ZNF350: variants seen among roughly 807,000 people sequenced by gnomAD.
ZNF350 encodes the protein zinc finger protein 350, also known as KRAB zinc finger protein ZFQR.
A neutral mutation model predicts 13.1 loss-of-function variants in ZNF350; 5 were observed. That is an observed-to-expected ratio of 0.38 (90% CI 0.20 to 0.80). The LOEUF (loss-of-function observed/expected upper bound fraction) is 0.80, where lower values mean the gene tolerates loss of function less well. Ranked by LOEUF, ZNF350 falls within the 30% of genes least tolerant of loss-of-function variation. The pLI is 0.43. For missense variants in ZNF350, 534 were observed against 644.2 expected (o/e 0.83, Z 1.85); for synonymous variants, 199 against 224.2 (o/e 0.89, Z 1.00).
Position 51,964,847 on chromosome 19 carries a change from T to C in ZNF350, c.*7A>G, listed in dbSNP as rs1197753921. The C allele has an allele frequency of 6.3e-7, 1 of 1,599,306 alleles. No individual in the cohort carries two copies. Among genetic ancestry groups the C allele is most frequent in the Non-Finnish European group, 8.5e-7 (1 of 1,170,450 alleles). On this transcript the variant is annotated 3_prime_UTR_variant, in exon 5 of 5. Coordinates refer to ENST00000243644, the MANE Select transcript of ZNF350 (RefSeq NM_021632.4). ...AACCCTTTTCCACATAGATCTGAGTTTTCTTCCTATGGGTTTTCTGTAACA... is the reference window on the plus strand; with the variant it reads ...AACCCTTTTCCACATAGATCTGAGTCTTCTTCCTATGGGTTTTCTGTAACA...
At position 51,967,973 on chromosome 19, in the gene ZNF350, C is replaced by T. The variant is rs569944488; in HGVS notation, c.238+605G>A. Among the ~76,000 whole-genome samples, 231 of 152,260 alleles carry T rather than the reference C, an allele frequency of 1.5e-3. 2 individuals carry two copies. The highest frequency in any genetic ancestry group is 5.3e-3 in the African/African-American group (222 of 41,548). On this transcript the variant is annotated intron_variant, in intron 4 of 4. Transcript: ENST00000243644. ...AGGGAGATGTCAGTTTGGGACTCTCCTCCAGGGAGCGGAAGGAGTTTAAAC... is the reference window on the plus strand; with the variant it reads ...AGGGAGATGTCAGTTTGGGACTCTCTTCCAGGGAGCGGAAGGAGTTTAAAC...
intron 1 of ZNF350, among the ~76,000 whole-genome samples, chr19:51,975,632 G>C (rs1473761112): frequency 6.6e-6 from 1 of 152,134 alleles, no homozygotes; most frequent in African/African-American, 2.4e-5. Flanking sequence ...AGTATTTTAT[G>C]CTAAGTAAAA....
chr19:51,974,153 G>C, intron 2 of ZNF350, 193 bp downstream of exon 2: 1 of 523,396 alleles, frequency 1.9e-6, no homozygotes, highest in Non-Finnish European at 3.3e-6. Flanking sequence ...ATAATTTAGT[G>C]TTAATGCTAT....
intron 2 of ZNF350, among the ~76,000 whole-genome samples, chr19:51,972,373 C>CCA (rs376866358): frequency 0.017 from 2,596 of 148,918 alleles, 86 homozygotes; most frequent in African/African-American, 0.06. Context: ...CCCACCCCCG[C>CCA]CACACACACA....
In ZNF350 at chr19:51,965,681, C is replaced by G. The variant is rs1380528005; in HGVS notation, c.772G>C (p.Gly258Arg). Residue 258 changes from glycine (G) to arginine (R), a missense_variant, in exon 5 of 5, where the codon GGA (glycine) becomes CGA (arginine). By Grantham distance (125) the Gly-to-Arg change is moderately radical. Transcript: ENST00000243644. ...TCAGGGCATTCATAAGGTTTTTCTC[C>G]TGTATGAGTTCGCTGATGTTCAGTA... ...MLTEHQRTHT[G>R]EKPYECPECG... 1.2e-6 allele frequency: 2 copies of G among 1,614,004 alleles called. No homozygotes were observed. Among genetic ancestry groups the G allele is most frequent in the African/African-American group, 2.7e-5 (2 of 74,906 alleles).
intron 1 of ZNF350, 23 bp downstream of exon 1, chr19:51,986,747 C>G (rs1357028508): frequency 6.6e-6 from 1 of 152,514 alleles, no homozygotes; most frequent in Non-Finnish European, 1.5e-5. Context: ...AAAAAACTTT[C>G]AGGGACAAAA....
intron 2 of ZNF350, among the ~76,000 whole-genome samples, chr19:51,971,214 T>C (rs547220244): frequency 2.0e-4 from 30 of 152,350 alleles, no homozygotes; most frequent in African/African-American, 7.2e-4. Flanking sequence ...ACACACTTGG[T>C]AGATGATACA....
rs370383567 is a variant in ZNF350, at chr19:51,967,882, A to G, written c.238+696T>C. On this transcript the variant is annotated intron_variant, in intron 4 of 4. Transcript: ENST00000243644. ...ATGATTCTAGTTCCTTGCAGTTACT[A>G]GGAACTCAGGGGAGAGTTGCCATGA... Among the ~76,000 whole-genome samples, 15 of 152,330 alleles carry G rather than the reference A, an allele frequency of 9.8e-5. No individual in the cohort carries two copies. In the South Asian group the frequency reaches 2.9e-3, roughly 29 times the overall value.
Position 51,965,440 on chromosome 19 carries a change from C to A in ZNF350, c.1013G>T (p.Arg338Ile). 3.1e-6 allele frequency: 5 copies of A among 1,613,924 alleles called. No homozygotes were observed. Among genetic ancestry groups the A allele is most frequent in the Non-Finnish European group, 4.2e-6 (5 of 1,179,962 alleles). Reference sequence around the variant, plus strand: ...AAAGGGCGTCTTTCCTGTGTGAAATCTCTGATGTGCTATGAGACACGTCTT... The same window carrying A: ...AAAGGGCGTCTTTCCTGTGTGAAATATCTGATGTGCTATGAGACACGTCTT... ...IQKTCLIAHQRFHTGKTPFVC... is the reference protein window; with the variant it reads ...IQKTCLIAHQIFHTGKTPFVC... Residue 338 changes from arginine to isoleucine, a missense_variant, in exon 5 of 5, where the codon AGA (arginine) becomes ATA (isoleucine). Transcript: ENST00000243644.
At chr19:51,984,294 G>A (rs1009692321) in intron 1 of ZNF350, 3 of 151,922 alleles carry the variant, frequency 2.0e-5, no homozygotes, top group African/African-American at 7.3e-5. Context: ...CAATTTCAAT[G>A]GTAGAAACAT....
Position 51,965,028 on chromosome 19 carries a change from G to C in ZNF350, c.1425C>G (p.Ile475Met), listed in dbSNP as rs760319182. 13 of 1,614,168 alleles carry C rather than the reference G, an allele frequency of 8.1e-6. No homozygotes were observed. The South Asian group carries it at 1.2e-4, about 15-fold the overall frequency. ...CGTTCCTGTTTGCGAGGAGGCCGCT[G>C]ATGTTTAATGATGTCTGAGGGGCCA... ...PSVAPQTSLN[I>M]SGLLANRNVV... The change falls in exon 5 of 5, where the codon ATC (isoleucine) becomes ATG (methionine). Residue 475 changes from isoleucine to methionine, a missense_variant. Ile to Met is a conservative substitution (Grantham distance 10). Coordinates refer to ENST00000243644, the MANE Select transcript of ZNF350 (RefSeq NM_021632.4).
chr19:51,984,939 C>G (rs1012743548), intron 1 of ZNF350, among the ~76,000 whole-genome samples: 1 of 152,128 alleles, frequency 6.6e-6, no homozygotes, highest in Non-Finnish European at 1.5e-5. Context: ...TACAATTCCA[C>G]TGATATACAG....
intron 1 of ZNF350, among the ~76,000 whole-genome samples, chr19:51,977,460 C>T (rs1423605372): frequency 3.3e-5 from 5 of 152,206 alleles, no homozygotes; most frequent in African/African-American, 7.2e-5. Context: ...CTGCTGGACA[C>T]GGAGACATTA....
At chr19:51,973,192 C>T (rs1334096388) in intron 2 of ZNF350, 1 of 152,058 alleles carries the variant, frequency 6.6e-6, no homozygotes, top group East Asian at 1.9e-4. Flanking sequence ...GTGATCCACC[C>T]ACCTCGGTCT....
intron 1 of ZNF350, among the ~76,000 whole-genome samples, chr19:51,983,614 T>C (rs1161756935): frequency 6.6e-6 from 1 of 152,196 alleles, no homozygotes. Flanking sequence ...AACATAAATC[T>C]GGCCTACGTA....
intron 1 of ZNF350, chr19:51,980,883 A>G (rs1207300580): frequency 6.6e-6 from 1 of 152,232 alleles, no homozygotes; most frequent in East Asian, 1.9e-4. Context: ...TCTTATATGT[A>G]GTTCTTGGAA....
chr19:51,979,595 C>G (rs753472636), intron 1 of ZNF350, among the ~76,000 whole-genome samples: 3 of 152,190 alleles, frequency 2.0e-5, no homozygotes, highest in Non-Finnish European at 4.4e-5. Flanking sequence ...ATTAATGTAA[C>G]TGGTGTGCTA....
intron 1 of ZNF350, chr19:51,981,993 C>T (rs924293362): frequency 2.0e-5 from 3 of 151,670 alleles, no homozygotes; most frequent in Admixed American, 1.3e-4. Context: ...TCTAGAGAGG[C>T]ATTAAAATGT....
At chr19:51,968,105 C>A (rs535587994) in intron 4 of ZNF350, among the ~76,000 whole-genome samples, 1 of 152,176 alleles carries the variant, frequency 6.6e-6, no homozygotes, top group South Asian at 2.1e-4. Context: ...CGAAGGAAGC[C>A]AAGGCACAGC....
Sources: gnomAD v4.1 joint callset for allele counts (sites outside exome capture counted in the v4.1 genomes callset) on GRCh38, gnomAD v4.1.1 for gene constraint, MANE v1.5 for transcripts, NCBI Gene and HGNC (gene_info 2026-07-23, HGNC 2026-07-21) for gene names.